Variants in SQSTM1 observed in about 807,000 individuals in gnomAD.
SQSTM1 encodes sequestosome 1, also known as sequestosome-1.
A neutral mutation model predicts 45.1 loss-of-function variants in SQSTM1; 36 were observed. The ratio of observed to expected loss-of-function variants is 0.80; its 90% CI spans 0.61 to 1.05. SQSTM1 has a LOEUF of 1.05. SQSTM1 is among the 50% of genes least tolerant of loss of function. The probability of loss-of-function intolerance (pLI) is 0.00; values close to 1 mark genes in which losing one functional copy is unlikely to be tolerated. For missense variants in SQSTM1, 617 were observed against 607.1 expected (o/e 1.02, Z -0.17); for synonymous variants, 290 against 244.3 (o/e 1.19, Z -1.74).
intron 1 of SQSTM1, among the ~76,000 whole-genome samples, chr5:179,809,969 A>G (rs1757346159): frequency 6.6e-6 from 1 of 151,986 alleles, no homozygotes; most frequent in Admixed American, 6.6e-5. Flanking sequence ...TTTTTAGTAG[A>G]GATGGGGTTT....
rs764498902 is a variant in SQSTM1 at position 179,836,416 on chromosome 5, C to T, written c.1166-20C>T. 1.2e-6 allele frequency: 2 copies of T among 1,614,196 alleles called. No individual in the cohort carries two copies. The highest frequency in any genetic ancestry group is 1.7e-5 in the Admixed American group (1 of 60,020). On this transcript the variant is annotated intron_variant, in intron 7 of 7. Transcript: ENST00000389805. The stretch of plus-strand genomic sequence containing the variant: ...CAGGGCTCAGCACCACTCCTCATGG[C>T]TTCCTTACTGTTTCGGCAGAGGCTG...
chr5:179,823,620 C>T (rs1382329416), intron 2 of SQSTM1: 3 of 582,748 alleles, frequency 5.1e-6, no homozygotes, highest in Non-Finnish European at 9.2e-6. Flanking sequence ...CAAAGCTGTG[C>T]AGACAGGGCT....
chr5:179,824,062 C>T lies in SQSTM1; in HGVS notation c.506C>T (p.Pro169Leu), dbSNP rs770616208. The change falls in exon 3 of 8, where the codon CCC (proline) becomes CTC (leucine). Residue 169 changes from proline to leucine, a missense_variant. By Grantham distance (98) the Pro-to-Leu change is moderately conservative (BLOSUM62 -3). Coordinates refer to ENST00000389805, the MANE Select transcript of SQSTM1 (RefSeq NM_003900.5). The part of the protein sequence containing the change: ...LHRGHTKLAF[P>L]SPFGHLSEGF... ...CGGGGGCACACCAAGCTCGCATTCCCCAGCCCCTTCGGGCACCTGTCTGAG... is the reference window on the plus strand; with the variant it reads ...CGGGGGCACACCAAGCTCGCATTCCTCAGCCCCTTCGGGCACCTGTCTGAG... 1 of 1,613,968 alleles carries T rather than the reference C, an allele frequency of 6.2e-7. No homozygotes were observed. Among genetic ancestry groups the T allele is most frequent in the South Asian group, 1.1e-5 (1 of 91,088 alleles).
chr5:179,832,459 C>T (rs557468337), intron 5 of SQSTM1, among the ~76,000 whole-genome samples: 77 of 152,340 alleles, frequency 5.1e-4, no homozygotes, highest in African/African-American at 6.7e-4. Context: ...AGCAGAGCTC[C>T]GGCGTTGAGG....
chr5:179,834,752 T>C (rs1484886698), intron 7 of SQSTM1, among the ~76,000 whole-genome samples: 1 of 151,454 alleles, frequency 6.6e-6, no homozygotes, highest in Non-Finnish European at 1.5e-5. Context: ...ATCAACAGGA[T>C]AAGAATTTTT....
chr5:179,822,800 G>A (rs960034469), intron 1 of SQSTM1, 158 bp from the exon 2 acceptor site: 11 of 713,852 alleles, frequency 1.5e-5, no homozygotes, highest in Middle Eastern at 2.8e-4. Context: ...GAGCAAGGGG[G>A]TAGTCTTGCC....
Position 179,806,728 on chromosome 5 carries a change from G to T in SQSTM1, c.-157+137G>T. The T allele has an allele frequency of 6.2e-6, 1 of 160,762 alleles. No individual in the cohort carries two copies. Among genetic ancestry groups the T allele is most frequent in the South Asian group, 1.8e-4 (1 of 5,550 alleles). The allele number at this position is 160,762 out of a possible 1,614,324, so 10.0% of individuals were successfully genotyped here. On this transcript the variant is annotated intron_variant, in intron 1 of 5. Transcript: ENST00000514093. This position sits in a 1 kb window ranked among gnomAD's most constrained non-coding sequence, Gnocchi z 4.6. ...GGGAGGGGCGGGGGGCCCGGGGCCG[G>T]GCGGGGACCGGGCCAGGGAGCGCGC... is the stretch of plus-strand genomic sequence containing the variant.
chr5:179,835,587 G>A (rs1758506940), intron 7 of SQSTM1: 1 of 155,988 alleles, frequency 6.4e-6, no homozygotes, highest in Non-Finnish European at 1.4e-5. Flanking sequence ...TCGGCAGGCT[G>A]AGGCAAGAGA....
In SQSTM1 at chr5:179,824,064, A is replaced by G. The variant is rs377198490; in HGVS notation, c.508A>G (p.Ser170Gly). Residue 170 changes from serine (S) to glycine (G), a missense_variant, in exon 3 of 8, where the codon AGC becomes GGC. Ser to Gly is a moderately conservative substitution (Grantham distance 56). Coordinates refer to ENST00000389805, the MANE Select transcript of SQSTM1 (RefSeq NM_003900.5). Reference protein sequence around the residue: ...HRGHTKLAFPSPFGHLSEGFS... With the variant: ...HRGHTKLAFPGPFGHLSEGFS... ...GGGGCACACCAAGCTCGCATTCCCC[A>G]GCCCCTTCGGGCACCTGTCTGAGGT... 14 of 1,613,818 alleles carry G rather than the reference A, an allele frequency of 8.7e-6. No homozygotes were observed. The highest frequency in any genetic ancestry group is 1.2e-5 in the Non-Finnish European group (14 of 1,180,040).
upstream of SQSTM1, among the ~76,000 whole-genome samples, chr5:179,817,093 G>A (rs1314453559): frequency 6.6e-6 from 1 of 152,050 alleles, no homozygotes; most frequent in Non-Finnish European, 1.5e-5. Context: ...GAGCCGCGCC[G>A]GGGGCCGGGA....
chr5:179,830,689 C>G (rs1758174183), intron 5 of SQSTM1, among the ~76,000 whole-genome samples: 1 of 152,110 alleles, frequency 6.6e-6, no homozygotes, highest in South Asian at 2.1e-4. Flanking sequence ...TCCCGAGTAG[C>G]TGGGATTACA....
In SQSTM1 at chr5:179,825,158, C is replaced by T. The variant is rs1397353855; in HGVS notation, c.686C>T (p.Ser229Leu). Residue 229 changes from serine (S) to leucine (L), a missense_variant, in exon 5 of 8, where the codon TCG (serine) becomes TTG (leucine). Ser to Leu is a moderately radical substitution (Grantham distance 145, BLOSUM62 -2). Transcript: ENST00000389805. Reference protein sequence around the residue: ...GPTAESASGPSEDPSVNFLKN... With the variant: ...GPTAESASGPLEDPSVNFLKN... ...GTAAAAATCAAAGCTTCTGGTCCAT[C>T]GGAGGATCCGAGTGTGAATTTCCTG... 8 of 1,613,942 alleles carry T rather than the reference C, an allele frequency of 5.0e-6. No individual in the cohort carries two copies. In the East Asian group the frequency reaches 6.7e-5, roughly 13 times the overall value.
At chr5:179,833,327 A>G (rs1159448401) in intron 6 of SQSTM1, 81 bp downstream of exon 6, 13 of 1,354,322 alleles carry the variant, frequency 9.6e-6, no homozygotes, top group Non-Finnish European at 1.2e-5. Flanking sequence ...CATCCTCAGC[A>G]CCTCTGCAGC....
chr5:179,837,421 T>C lies in SQSTM1; in HGVS notation c.*828T>C, dbSNP rs1357734065. The C allele has an allele frequency of 6.2e-7, 1 of 1,603,262 alleles. No homozygotes were observed. The highest frequency in any genetic ancestry group is 1.3e-5 in the African/African-American group (1 of 74,556). On this transcript the variant is annotated 3_prime_UTR_variant, in exon 8 of 8. Coordinates refer to ENST00000389805, the MANE Select transcript of SQSTM1 (RefSeq NM_003900.5). ...CATCATCATCGAAGTCTTCCCCAGTTATAAAGAGGTCACATAGTCGTGTGG... is the reference window on the plus strand; with the variant it reads ...CATCATCATCGAAGTCTTCCCCAGTCATAAAGAGGTCACATAGTCGTGTGG...
intron 5 of SQSTM1, among the ~76,000 whole-genome samples, chr5:179,826,598 G>GTTTTTTTTTTTTTTTTTT (rs549477595): frequency 7.0e-6 from 1 of 142,252 alleles, no homozygotes; most frequent in Non-Finnish European, 1.5e-5. Context: ...TCGCTAGTCT[G>GTTTTTTTTTTTTTTTTTT]TTTTTTTTTT....
chr5:179,837,808 G>T lies in SQSTM1; in HGVS notation c.*1215G>T. On this transcript the variant is annotated 3_prime_UTR_variant, in exon 8 of 8. Coordinates refer to ENST00000389805, the MANE Select transcript of SQSTM1 (RefSeq NM_003900.5). ...CCTTCCCAGGACCCCTCAGCTCCCC[G>T]GCACTGCAGTCTGCAGAGTTCTCCT... The T allele has an allele frequency of 6.2e-7, 1 of 1,613,766 alleles. No homozygotes were observed.
At position 179,837,286 on chromosome 5, in the gene SQSTM1, TA is replaced by T. The variant is rs1401719376; in HGVS notation, c.*695del. The T allele has an allele frequency of 6.2e-7, 1 of 1,607,604 alleles. No individual in the cohort carries two copies. Among genetic ancestry groups the T allele is most frequent in the Non-Finnish European group, 8.5e-7 (1 of 1,178,280 alleles). On this transcript the variant is annotated 3_prime_UTR_variant, in exon 8 of 8. Transcript: ENST00000389805. The stretch of plus-strand genomic sequence containing the variant: ...TTGCATAGAGAGAAATGATTGACAG[TA>T]AGTTTATTGTTAATGGTTCTTACAG...
At position 179,837,850 on chromosome 5, in the gene SQSTM1, G is replaced by A. The variant is rs1042065603; in HGVS notation, c.*1257G>A. ...AGTTCTCCTGGAGGCAGGGGCTGCT[G>A]CCTTGTTTCACCTTCCATGTCAGGC... On this transcript the variant is annotated 3_prime_UTR_variant, in exon 8 of 8. Coordinates refer to ENST00000389805, the MANE Select transcript of SQSTM1 (RefSeq NM_003900.5). 2 of 1,610,202 alleles carry A rather than the reference G, an allele frequency of 1.2e-6. No individual in the cohort carries two copies. The highest frequency in any genetic ancestry group is 1.7e-6 in the Non-Finnish European group (2 of 1,179,936).
intron 1 of SQSTM1, chr5:179,807,427 G>A (rs1757222104): frequency 6.6e-6 from 1 of 152,372 alleles, no homozygotes; most frequent in Non-Finnish European, 1.5e-5. Flanking sequence ...GGGAACGATG[G>A]GCCTTTCTAG....
Sources: allele counts gnomAD v4.1 joint callset (sites outside exome capture counted in the v4.1 genomes callset), GRCh38; gene constraint gnomAD v4.1.1; non-coding constraint Gnocchi (gnomAD v3.1); transcripts MANE v1.5; gene names NCBI Gene and HGNC (gene_info 2026-07-23, HGNC 2026-07-21).